DNAH12: variants seen among roughly 807,000 people sequenced by gnomAD.
DNAH12 encodes the protein dynein axonemal heavy chain 12.
Under a neutral mutation model 371.5 loss-of-function variants are expected in DNAH12, and 285 were observed. The ratio of observed to expected loss-of-function variants is 0.77; its 90% CI spans 0.70 to 0.85. DNAH12 has a LOEUF of 0.85. DNAH12 is among the 40% of genes least tolerant of loss of function. The pLI is 0.00. For missense variants in DNAH12, 3,611 were observed against 3,689.4 expected (o/e 0.98, Z 0.55); for synonymous variants, 1,200 against 1,213.0 (o/e 0.99, Z 0.22).
At chr3:57,376,710 C>T (rs1032984147) in intron 53 of DNAH12, among the ~76,000 whole-genome samples, 2 of 152,226 alleles carry the variant, frequency 1.3e-5, no homozygotes, top group South Asian at 4.1e-4. Flanking sequence ...AAGAACTGTA[C>T]AACAAACAAC....
Position 57,456,509 on chromosome 3 carries a change from C to A in DNAH12, c.3336+1212G>T, listed in dbSNP as rs80073523. Among the ~76,000 whole-genome samples the A allele has an allele frequency of 8.2e-3, 1,255 of 152,226 alleles. 12 individuals are homozygous for A. The highest frequency in any genetic ancestry group is 0.029 in the African/African-American group (1,194 of 41,532). ...TAACATAAGTGAGATACATGTAGTG[C>A]CAAGTGTTATCCTTCTTTCAAATTT... On this transcript the variant is annotated intron_variant, in intron 22 of 73. Coordinates refer to ENST00000495027, the MANE Select transcript of DNAH12 (RefSeq NM_001366028.2).
At chr3:57,549,151 T>C (rs1203685095), upstream of DNAH12, among the ~76,000 whole-genome samples, 3 of 151,922 alleles carry the variant, frequency 2.0e-5, no homozygotes. Flanking sequence ...TGGCTGCACT[T>C]GTGAATAGCC....
At chr3:57,460,291 C>T (rs193053439) in intron 19 of DNAH12, among the ~76,000 whole-genome samples, 34 of 152,084 alleles carry the variant, frequency 2.2e-4, no homozygotes, top group Admixed American at 1.8e-3. Context: ...TCAACAGTGA[C>T]AGGTTGAGAA....
intron 55 of DNAH12, among the ~76,000 whole-genome samples, chr3:57,370,875 G>T (rs1049992811): frequency 6.6e-6 from 1 of 152,082 alleles, no homozygotes; most frequent in Non-Finnish European, 1.5e-5. Flanking sequence ...GGGGAGGCTG[G>T]AACTGAGACC....
At chr3:57,418,342 T>G (rs1256139823) in intron 37 of DNAH12, among the ~76,000 whole-genome samples, 1 of 116,026 alleles carries the variant, frequency 8.6e-6, no homozygotes, top group Non-Finnish European at 1.6e-5. Context: ...GTGTTCAAGA[T>G]GAGTCTGGGC....
At chr3:57,338,788 TG>T (rs1233255545) in intron 60 of DNAH12, among the ~76,000 whole-genome samples, 2 of 152,118 alleles carry the variant, frequency 1.3e-5, no homozygotes, top group Non-Finnish European at 2.9e-5. Flanking sequence ...CCACCCCGTC[TG>T]GGAAGTGAGG....
At chr3:57,493,395 G>T (rs921576883) in intron 11 of DNAH12, among the ~76,000 whole-genome samples, 2 of 152,116 alleles carry the variant, frequency 1.3e-5, no homozygotes, top group Admixed American at 6.5e-5. Flanking sequence ...AAGTATACTG[G>T]AGGATGTGCA....
chr3:57,323,471 G>T lies in DNAH12; in HGVS notation c.10127C>A (p.Ala3376Asp). 2 of 1,543,546 alleles carry T rather than the reference G, an allele frequency of 1.3e-6. No homozygotes were observed. Among genetic ancestry groups the T allele is most frequent in the Non-Finnish European group, 1.7e-6 (2 of 1,144,756 alleles). ...AAGTTTACAGTATATGCACTTACTG[G>T]CCATAGGATCTGCTCCTGGAGATAG... Reference protein sequence around the residue: ...FVLSPGADPMASLLKFANDKS... With the variant: ...FVLSPGADPMDSLLKFANDKS... Residue 3376 changes from alanine (A) to aspartate (D), a missense_variant and splice_region_variant, in exon 63 of 74, where the codon GCC becomes GAC. This residue lies in a region of DNAH12 where 2,266 missense variants were observed against 2,236.9 expected (regional missense o/e 1.01). Transcript: ENST00000495027.
At chr3:57,484,876 A>G (rs2066872312) in intron 12 of DNAH12, among the ~76,000 whole-genome samples, 1 of 152,190 alleles carries the variant, frequency 6.6e-6, no homozygotes, top group Non-Finnish European at 1.5e-5. Context: ...AAAAGTAGGC[A>G]AAGGACATGA....
At position 57,446,080 on chromosome 3, in the gene DNAH12, G is replaced by T; in HGVS notation, c.4130C>A (p.Thr1377Asn). The part of the protein sequence containing the change: ...KLNPNCFVAI[T>N]MNPGYAGRSE... Reference sequence around the variant, plus strand: ...GCGTCCTGCATAGCCAGGATTCATGGTAATAGCTACAAAACAATTCGGATT... The same window carrying T: ...GCGTCCTGCATAGCCAGGATTCATGTTAATAGCTACAAAACAATTCGGATT... The change falls in exon 27 of 74, where the codon ACC becomes AAC. Residue 1377 changes from threonine (T) to asparagine (N), a missense_variant. Physicochemically the swap from Thr to Asn is moderately conservative, Grantham distance 65. This residue lies in a region of DNAH12 where 2,266 missense variants were observed against 2,236.9 expected (regional missense o/e 1.01). Coordinates refer to ENST00000495027, the MANE Select transcript of DNAH12 (RefSeq NM_001366028.2). 6.4e-7 allele frequency: 1 copy of T among 1,551,640 alleles called. No individual in the cohort carries two copies. The highest frequency in any genetic ancestry group is 8.7e-7 in the Non-Finnish European group (1 of 1,146,984).
At position 57,310,748 on chromosome 3, in the gene DNAH12, C is replaced by T. The variant is rs1175160877; in HGVS notation, c.10865G>A (p.Gly3622Asp). ...PSGNYFAPPK[G>D]TYEDYIEFIK... ...GAATTCAATGTAGTCCTCATAAGTG[C>T]CTTTAGGAGGTGCAAAATAGTTTCC... The change falls in exon 67 of 74, where the codon GGC becomes GAC. Residue 3622 changes from glycine (G) to aspartate (D), a missense_variant. Transcript: ENST00000495027. 1 of 1,551,404 alleles carries T rather than the reference C, an allele frequency of 6.4e-7. No homozygotes were observed. Among genetic ancestry groups the T allele is most frequent in the Admixed American group, 2.0e-5 (1 of 51,000 alleles).
chr3:57,414,190 A>C (rs1481530295), intron 38 of DNAH12, among the ~76,000 whole-genome samples: 1 of 152,148 alleles, frequency 6.6e-6, no homozygotes, highest in African/African-American at 2.4e-5. Flanking sequence ...GGGTGATACT[A>C]AACTTCACAA....
Position 57,297,001 on chromosome 3 carries a change from A to G in DNAH12, c.11395-17T>C. 2 of 1,550,652 alleles carry G rather than the reference A, an allele frequency of 1.3e-6. No individual in the cohort carries two copies. Among genetic ancestry groups the G allele is most frequent in the Non-Finnish European group, 1.7e-6 (2 of 1,146,800 alleles). On this transcript the variant is annotated splice_polypyrimidine_tract_variant and intron_variant, in intron 70 of 73. Coordinates refer to ENST00000495027, the MANE Select transcript of DNAH12 (RefSeq NM_001366028.2). ...ATACCAGTCCTACAAAGGGAAAACA[A>G]AACACATTATGTCAGTTTTTAAAGT...
intron 62 of DNAH12, among the ~76,000 whole-genome samples, chr3:57,333,475 C>T (rs563944009): frequency 6.6e-6 from 1 of 151,998 alleles, no homozygotes. Context: ...GGACTACAGG[C>T]ATGCACCACC....
At chr3:57,344,913 C>T (rs191092493) in intron 60 of DNAH12, among the ~76,000 whole-genome samples, 4 of 152,028 alleles carry the variant, frequency 2.6e-5, no homozygotes, top group Admixed American at 6.6e-5. Context: ...TCTTGAACAA[C>T]CAACACAGGA....
At chr3:57,384,663 AAAC>A in intron 49 of DNAH12, among the ~76,000 whole-genome samples, 163 bp downstream of exon 49, 2 of 152,270 alleles carry the variant, frequency 1.3e-5, no homozygotes, top group Middle Eastern at 3.4e-3. Flanking sequence ...AATAAAATAA[AAAC>A]AACAATATAT....
At chr3:57,309,411 A>G (rs2061541006) in intron 68 of DNAH12, among the ~76,000 whole-genome samples, 157 bp from the exon 69 acceptor site, 1 of 152,196 alleles carries the variant, frequency 6.6e-6, no homozygotes, top group Admixed American at 6.5e-5. Context: ...TAGCTCATCC[A>G]CAACCACAGT....
chr3:57,399,915 A>T, intron 43 of DNAH12, among the ~76,000 whole-genome samples: 1 of 152,342 alleles, frequency 6.6e-6, no homozygotes, highest in East Asian at 1.9e-4. Context: ...TACAAAATAC[A>T]TGTTAATCAA....
At chr3:57,503,394 G>GTTT (rs1256442215) in intron 9 of DNAH12, among the ~76,000 whole-genome samples, 6 of 144,356 alleles carry the variant, frequency 4.2e-5, no homozygotes, top group African/African-American at 1.0e-4. Context: ...TTTATTATTG[G>GTTT]TTTTTTTTTT....
Sources: allele counts gnomAD v4.1 joint callset (sites outside exome capture counted in the v4.1 genomes callset), GRCh38; gene constraint gnomAD v4.1.1; regional missense constraint gnomAD v4.1.1; transcripts MANE v1.5; gene names NCBI Gene and HGNC (gene_info 2026-07-23, HGNC 2026-07-21).